PLCXD3: variants seen among roughly 807,000 people sequenced by gnomAD.
PLCXD3 encodes the protein phosphatidylinositol specific phospholipase C X domain containing 3.
In PLCXD3, 19 loss-of-function variants were observed where a neutral mutation model predicts 25.5. That is an observed-to-expected ratio of 0.75 (90% CI 0.52 to 1.09). The LOEUF (loss-of-function observed/expected upper bound fraction) is 1.09, where lower values mean the gene tolerates loss of function less well. PLCXD3 is among the 50% of genes least tolerant of loss of function. The pLI is 0.00. For missense variants in PLCXD3, 411 were observed against 388.1 expected, an observed-to-expected ratio of 1.06 and a Z score of -0.50; for synonymous variants, 174 against 137.6, an observed-to-expected ratio of 1.26 and a Z score of -1.85.
intron 1 of PLCXD3, among the ~76,000 whole-genome samples, chr5:41,504,100 G>C (rs568968312): frequency 1.2e-4 from 19 of 152,114 alleles, no homozygotes; most frequent in African/African-American, 3.9e-4. Flanking sequence ...GATTACTTTA[G>C]GGATATGGGA....
At position 41,316,464 on chromosome 5, in the gene PLCXD3, T is replaced by A. The variant is rs545487516; in HGVS notation, c.813-2694A>T. ...GGCTGTGGGACAAAACTTCTTCTTGTTGAGAAAAGCAGAGAGAAAAGTAAA... is the reference window on the plus strand; with the variant it reads ...GGCTGTGGGACAAAACTTCTTCTTGATGAGAAAAGCAGAGAGAAAAGTAAA... On this transcript the variant is annotated intron_variant, in intron 2 of 2. Coordinates refer to ENST00000377801, the MANE Select transcript of PLCXD3 (RefSeq NM_001005473.3). Among the ~76,000 whole-genome samples the A allele has an allele frequency of 2.4e-3, 369 of 152,122 alleles. 2 individuals carry two copies. Among genetic ancestry groups the A allele is most frequent in the African/African-American group, 7.9e-3 (328 of 41,456 alleles).
chr5:41,339,568 C>A (rs1744080522), intron 2 of PLCXD3, among the ~76,000 whole-genome samples: 1 of 151,928 alleles, frequency 6.6e-6, no homozygotes, highest in Admixed American at 6.6e-5. Flanking sequence ...TCCAGGGTGA[C>A]AAAATGACAG....
intron 1 of PLCXD3, among the ~76,000 whole-genome samples, chr5:41,510,025 C>T (rs1228973557): frequency 6.6e-6 from 1 of 152,174 alleles, no homozygotes; most frequent in East Asian, 1.9e-4. Context: ...GAAGGCGAGC[C>T]CCTGACACTA....
At chr5:41,440,530 GCAA>G (rs1412700796) in intron 1 of PLCXD3, among the ~76,000 whole-genome samples, 2 of 151,894 alleles carry the variant, frequency 1.3e-5, no homozygotes, top group African/African-American at 2.4e-5. Context: ...GCCAGGCCCA[GCAA>G]AATACATAAT....
intron 1 of PLCXD3, among the ~76,000 whole-genome samples, chr5:41,425,996 A>G (rs1746946830): frequency 6.6e-6 from 1 of 152,158 alleles, no homozygotes; most frequent in African/African-American, 2.4e-5. Context: ...GGATTGTATG[A>G]TAAGAGTATG....
chr5:41,482,980 A>G (rs1748444827), intron 1 of PLCXD3, among the ~76,000 whole-genome samples: 1 of 152,172 alleles, frequency 6.6e-6, no homozygotes, highest in Non-Finnish European at 1.5e-5. Flanking sequence ...TATTTCTTCA[A>G]ATGTAACTAT....
chr5:41,339,551 C>T (rs1445961778), intron 2 of PLCXD3, among the ~76,000 whole-genome samples: 9 of 151,950 alleles, frequency 5.9e-5, no homozygotes, highest in Admixed American at 5.9e-4. Context: ...AATACAGAAG[C>T]AGGGTTTCCA....
chr5:41,485,977 C>A (rs191947421), intron 1 of PLCXD3, among the ~76,000 whole-genome samples: 1 of 152,288 alleles, frequency 6.6e-6, no homozygotes, highest in East Asian at 1.9e-4. Flanking sequence ...AGGTTACAAT[C>A]AGCCTTGTAA....
At chr5:41,368,444 A>G (rs1205920115) in intron 2 of PLCXD3, among the ~76,000 whole-genome samples, 1 of 152,202 alleles carries the variant, frequency 6.6e-6, no homozygotes, top group African/African-American at 2.4e-5. Context: ...GGCTGAGACA[A>G]TGGGGCTTTC....
At chr5:41,480,839 G>A (rs932618212) in intron 1 of PLCXD3, among the ~76,000 whole-genome samples, 1 of 151,984 alleles carries the variant, frequency 6.6e-6, no homozygotes, top group African/African-American at 2.4e-5. Context: ...GAACCCGGGA[G>A]GTGGAGGTTG....
chr5:41,315,576 C>T (rs905662535), intron 2 of PLCXD3, among the ~76,000 whole-genome samples: 1 of 152,134 alleles, frequency 6.6e-6, no homozygotes, highest in African/African-American at 2.4e-5. Context: ...GCAAAAAACA[C>T]CTTTATAAGA....
intron 2 of PLCXD3, among the ~76,000 whole-genome samples, chr5:41,332,358 G>A (rs1181303082): frequency 3.3e-5 from 5 of 151,964 alleles, no homozygotes; most frequent in South Asian, 2.1e-4. Flanking sequence ...CACCATCACT[G>A]GCCATCAGAG....
rs1412150797 is a variant in PLCXD3, at chr5:41,382,115, A to G, written c.523T>C (p.Phe175Leu). The G allele has an allele frequency of 2.5e-6, 4 of 1,613,786 alleles. No homozygotes were observed. The East Asian group carries it at 8.9e-5, about 36-fold the overall frequency. ...IYGNKMCPAIFAQEVSLKYLW... is the reference protein window; with the variant it reads ...IYGNKMCPAILAQEVSLKYLW... Reference sequence around the variant, plus strand: ...TACTTTAAACTAACTTCCTGGGCAAAAATCGCTGGGCACATTTTATTTCCA... The same window carrying G: ...TACTTTAAACTAACTTCCTGGGCAAGAATCGCTGGGCACATTTTATTTCCA... The change falls in exon 2 of 3, where the codon TTT becomes CTT. Residue 175 changes from phenylalanine to leucine, a missense_variant. Phe to Leu is a conservative substitution (Grantham distance 22). Coordinates refer to ENST00000377801, the MANE Select transcript of PLCXD3 (RefSeq NM_001005473.3).
At chr5:41,439,956 G>A (rs1379057078) in intron 1 of PLCXD3, among the ~76,000 whole-genome samples, 4 of 152,126 alleles carry the variant, frequency 2.6e-5, no homozygotes, top group Non-Finnish European at 4.4e-5. Context: ...TAATAGTAAT[G>A]TGTTAAATTA....
intron 1 of PLCXD3, among the ~76,000 whole-genome samples, chr5:41,386,062 C>G (rs1447540629): frequency 6.6e-6 from 1 of 152,066 alleles, no homozygotes; most frequent in African/African-American, 2.4e-5. Flanking sequence ...ATTGGTTATA[C>G]AGCAATAGTT....
chr5:41,421,467 C>G (rs1367538865), intron 1 of PLCXD3, among the ~76,000 whole-genome samples: 2 of 151,696 alleles, frequency 1.3e-5, no homozygotes, highest in African/African-American at 4.8e-5. Context: ...TTTGGGAGGC[C>G]GAGGCGGGCT....
At chr5:41,407,557 C>T (rs1746388904) in intron 1 of PLCXD3, among the ~76,000 whole-genome samples, 1 of 152,142 alleles carries the variant, frequency 6.6e-6, no homozygotes, top group African/African-American at 2.4e-5. Flanking sequence ...AATTTTGCCT[C>T]AATCTTCCAG....
At chr5:41,361,867 C>CA (rs907513161) in intron 2 of PLCXD3, among the ~76,000 whole-genome samples, 4 of 152,164 alleles carry the variant, frequency 2.6e-5, no homozygotes, top group Non-Finnish European at 5.9e-5. Flanking sequence ...TTTTAATATA[C>CA]AAACTCTTGA....
At position 41,312,624 on chromosome 5, in the gene PLCXD3, G is replaced by A. The variant is rs369279450; in HGVS notation, c.*993C>T. ...CTTCCTCCCTTCCTTCCTTCCTCCC[G>A]TCCTTCCTTCTGTCCTTCCCTCCCT... On this transcript the variant is annotated 3_prime_UTR_variant, in exon 3 of 3. Coordinates refer to ENST00000377801, the MANE Select transcript of PLCXD3 (RefSeq NM_001005473.3). 4.6e-5 allele frequency: 4 copies of A among 86,702 alleles called. No homozygotes were observed. Among genetic ancestry groups the A allele is most frequent in the Non-Finnish European group, 6.4e-5 (3 of 46,610 alleles). 5.4% of individuals were successfully genotyped at this position (86,702 alleles called of 1,614,324 possible).
Sources: gnomAD v4.1 joint callset for allele counts (sites outside exome capture counted in the v4.1 genomes callset) on GRCh38, gnomAD v4.1.1 for gene constraint, MANE v1.5 for transcripts, NCBI Gene and HGNC (gene_info 2026-07-23, HGNC 2026-07-21) for gene names.